Variants in METTL15 observed in about 807,000 individuals in gnomAD.
The protein encoded by METTL15 is methyltransferase 15, mitochondrial 12S rRNA N4-cytidine, also known as 12S rRNA N(4)-cytidine methyltransferase METTL15.
A neutral mutation model predicts 38.3 loss-of-function variants in METTL15; 34 were observed. That is an observed-to-expected ratio of 0.89 (90% confidence interval 0.68 to 1.18). The LOEUF (loss-of-function observed/expected upper bound fraction) is 1.18. Ranked by LOEUF, METTL15 falls within the 50% of genes most tolerant of loss-of-function variation. The pLI is 0.00. For missense variants in METTL15, 438 were observed against 498.4 expected (o/e 0.88, Z 1.15); for synonymous variants, 162 against 170.9 (o/e 0.95, Z 0.41).
intron 5 of METTL15, among the ~76,000 whole-genome samples, chr11:28,416,488 C>T (rs1254466790): frequency 1.3e-5 from 2 of 152,216 alleles, no homozygotes; most frequent in African/African-American, 4.8e-5. Flanking sequence ...ATACTCCTCA[C>T]TCCATGTAAA....
chr11:28,205,122 A>G (rs1021876647), intron 3 of METTL15, among the ~76,000 whole-genome samples: 8 of 151,936 alleles, frequency 5.3e-5, no homozygotes, highest in South Asian at 2.1e-4. Context: ...TTATTTTATT[A>G]TACTTTAAGT....
At chr11:28,249,939 T>C (rs188111798) in intron 4 of METTL15, among the ~76,000 whole-genome samples, 114 of 152,078 alleles carry the variant, frequency 7.5e-4, no homozygotes, top group African/African-American at 2.5e-3. Context: ...GTGTATTCAG[T>C]GTTTAGCTCC....
chr11:28,355,144 C>T (rs1365020898), intron 4 of METTL15, among the ~76,000 whole-genome samples: 1 of 152,224 alleles, frequency 6.6e-6, no homozygotes, highest in Admixed American at 6.5e-5. Flanking sequence ...AAAGACAAGG[C>T]TCAATGGCAC....
intron 5 of METTL15, among the ~76,000 whole-genome samples, chr11:28,380,126 A>G (rs765670724): frequency 5.3e-5 from 8 of 149,980 alleles, no homozygotes; most frequent in Non-Finnish European, 8.9e-5. Flanking sequence ...TCTAAGCAAC[A>G]TATAGTTAGA....
At chr11:28,299,836 T>C (rs1856853677) in intron 6 of METTL15, among the ~76,000 whole-genome samples, 1 of 152,122 alleles carries the variant, frequency 6.6e-6, no homozygotes, top group African/African-American at 2.4e-5. Flanking sequence ...AGGAGAATCC[T>C]TCCTTACTAT....
At chr11:28,400,443 A>G (rs1850620072) in intron 5 of METTL15, among the ~76,000 whole-genome samples, 1 of 151,982 alleles carries the variant, frequency 6.6e-6, no homozygotes, top group African/African-American at 2.4e-5. Flanking sequence ...CCAGCACCTC[A>G]GATAAACATC....
intron 5 of METTL15, among the ~76,000 whole-genome samples, chr11:28,399,256 C>T (rs1174627303): frequency 6.6e-6 from 1 of 151,954 alleles, no homozygotes; most frequent in Non-Finnish European, 1.5e-5. Flanking sequence ...TTGCAGAAAA[C>T]TGAAACTGGA....
intron 3 of METTL15, among the ~76,000 whole-genome samples, chr11:28,205,143 A>C (rs1006901040): frequency 6.6e-6 from 1 of 151,904 alleles, no homozygotes; most frequent in African/African-American, 2.4e-5. Flanking sequence ...TTTAGGGTAC[A>C]TGTGCACAAT....
chr11:28,135,660 A>G (rs948245394), intron 3 of METTL15, among the ~76,000 whole-genome samples: 2 of 152,252 alleles, frequency 1.3e-5, no homozygotes, highest in Non-Finnish European at 2.9e-5. Context: ...AAAATGAATT[A>G]TTATTGCATA....
intron 6 of METTL15, among the ~76,000 whole-genome samples, chr11:28,308,105 TATC>T (rs537250009): frequency 2.0e-5 from 3 of 152,236 alleles, no homozygotes; most frequent in Admixed American, 6.5e-5. Context: ...ACTTTGCAGA[TATC>T]ATTTCATTAT....
intron 6 of METTL15, among the ~76,000 whole-genome samples, chr11:28,323,823 A>G (rs1305662309): frequency 6.6e-6 from 1 of 152,186 alleles, no homozygotes; most frequent in Admixed American, 6.5e-5. Context: ...CTTAAAATAC[A>G]CCACCATCAA....
Position 28,412,929 on chromosome 11 carries a change from G to GAT in METTL15, c.*359-11359_*359-11358dup, listed in dbSNP as rs563396021. Among the ~76,000 whole-genome samples the GAT allele has an allele frequency of 6.9e-3, 1,039 of 151,582 alleles. 13 individuals are homozygous for GAT. Among genetic ancestry groups the GAT allele is most frequent in the African/African-American group, 0.017 (698 of 41,388 alleles). On this transcript the variant is annotated intron_variant and NMD_transcript_variant, in intron 5 of 7. Transcript: ENST00000532947. ...ATATACAATAGTAACTATGTGAAAT[G>GAT]ATATATATATATTAATAGGCTTCAC...
intron 3 of METTL15, among the ~76,000 whole-genome samples, chr11:28,205,948 G>A (rs1432061465): frequency 1.4e-5 from 2 of 147,650 alleles, no homozygotes; most frequent in African/African-American, 2.6e-5. Flanking sequence ...ACTTTTTGAT[G>A]GGGTTGTTTG....
intron 6 of METTL15, among the ~76,000 whole-genome samples, chr11:28,440,359 T>G (rs1196531303): frequency 6.6e-6 from 1 of 152,156 alleles, no homozygotes; most frequent in Non-Finnish European, 1.5e-5. Flanking sequence ...AGTAGTAATA[T>G]CTATAGCATT....
intron 6 of METTL15, among the ~76,000 whole-genome samples, chr11:28,299,083 T>TA (rs1346080551): frequency 1.3e-5 from 2 of 152,122 alleles, no homozygotes; most frequent in East Asian, 3.9e-4. Flanking sequence ...GATCAAGAGT[T>TA]ATGATAGTAT....
chr11:28,182,317 T>C (rs1207014961), intron 3 of METTL15, among the ~76,000 whole-genome samples: 1 of 152,184 alleles, frequency 6.6e-6, no homozygotes, highest in Non-Finnish European at 1.5e-5. Context: ...ATTTTAGTCA[T>C]GAAGTCTTTG....
At chr11:28,234,384 A>G (rs1302226418) in intron 4 of METTL15, among the ~76,000 whole-genome samples, 1 of 151,566 alleles carries the variant, frequency 6.6e-6, no homozygotes, top group Non-Finnish European at 1.5e-5. Context: ...CGCCACACTG[A>G]CTTCCAAAAT....
At chr11:28,512,320 A>G (rs1851681517) in intron 6 of METTL15, among the ~76,000 whole-genome samples, 1 of 152,158 alleles carries the variant, frequency 6.6e-6, no homozygotes, top group South Asian at 2.1e-4. Context: ...TGCCATTCCC[A>G]CGCAGTGCGC....
At chr11:28,193,863 C>T (rs139151035) in intron 3 of METTL15, among the ~76,000 whole-genome samples, 194 of 152,212 alleles carry the variant, frequency 1.3e-3, no homozygotes, top group African/African-American at 4.5e-3. Flanking sequence ...AAATTAAAGT[C>T]CAGACTCTTT....
Sources: gnomAD v4.1 joint callset for allele counts (sites outside exome capture counted in the v4.1 genomes callset) on GRCh38, gnomAD v4.1.1 for gene constraint, MANE v1.5 for transcripts, NCBI Gene and HGNC (gene_info 2026-07-23, HGNC 2026-07-21) for gene names.